The following CADPS2 variants were observed in gnomAD, a reference collection of about 807,000 sequenced individuals.
CADPS2 encodes calcium dependent secretion activator 2, also known as calcium-dependent secretion activator 2.
In CADPS2, 93 loss-of-function variants were observed where a neutral mutation model predicts 172.5. The observed-to-expected ratio is 0.54, with a 90% CI of 0.46 to 0.64. The LOEUF is 0.64. Among genes scored for constraint, CADPS2 ranks in the 30% least tolerant of loss-of-function variants. The pLI is 0.00. For synonymous variants in CADPS2, 546 were observed against 555.2 expected (o/e 0.98, Z 0.23); for missense variants, 1,420 against 1,565.9 (o/e 0.91, Z 1.57).
At chr7:122,569,519 T>C (rs1224160191) in intron 7 of CADPS2, among the ~76,000 whole-genome samples, 1 of 146,604 alleles carries the variant, frequency 6.8e-6, no homozygotes, top group African/African-American at 2.6e-5. Context: ...TTCACAGAAT[T>C]GGAAAAAACT....
At chr7:122,771,013 C>A (rs1199288883) in intron 1 of CADPS2, among the ~76,000 whole-genome samples, 1 of 152,120 alleles carries the variant, frequency 6.6e-6, no homozygotes, top group African/African-American at 2.4e-5. Context: ...GTGGACAGGG[C>A]AAGTTTTATC....
intron 2 of CADPS2, among the ~76,000 whole-genome samples, chr7:122,728,972 T>G (rs929049700): frequency 6.6e-6 from 1 of 151,838 alleles, no homozygotes; most frequent in African/African-American, 2.4e-5. Context: ...ATTAGAACTT[T>G]AACTGTATGT....
chr7:122,482,405 C>T lies in CADPS2; in HGVS notation c.1853-1545G>A, dbSNP rs183437331. 1.1e-4 allele frequency among the ~76,000 whole-genome samples: 17 copies of T among 152,130 alleles called. No individual in the cohort carries two copies. In the East Asian group the frequency reaches 2.5e-3, roughly 23 times the overall value. ...GTGCTGTAAAACATTACATAACGCA[C>T]AGGAAAAGTTCCTTACTCCACTCCC... On this transcript the variant is annotated intron_variant, in intron 11 of 29. Transcript: ENST00000449022.
At chr7:122,597,909 TA>T (rs961415903) in intron 6 of CADPS2, among the ~76,000 whole-genome samples, 139 of 148,080 alleles carry the variant, frequency 9.4e-4, no homozygotes, top group African/African-American at 3.5e-3. Context: ...GGCATCTTTT[TA>T]ACATTTTTTT....
chr7:122,670,925 T>C (rs2081769052), intron 2 of CADPS2, among the ~76,000 whole-genome samples: 1 of 151,552 alleles, frequency 6.6e-6, no homozygotes, highest in African/African-American at 2.4e-5. Context: ...CAAGTTATTC[T>C]TCCTTGCTGG....
chr7:122,800,743 C>T (rs2139934872), intron 1 of CADPS2, among the ~76,000 whole-genome samples: 1 of 152,196 alleles, frequency 6.6e-6, no homozygotes, highest in African/African-American at 2.4e-5. Context: ...AATCCCAGCA[C>T]TTTGGGAGGC....
intron 1 of CADPS2, among the ~76,000 whole-genome samples, chr7:122,823,083 A>C (rs1394059150): frequency 6.6e-6 from 1 of 152,180 alleles, no homozygotes; most frequent in East Asian, 1.9e-4. Flanking sequence ...ATTTTTTCAT[A>C]TACCTCTGGG....
At chr7:122,803,002 A>G (rs1797977470) in intron 1 of CADPS2, among the ~76,000 whole-genome samples, 1 of 152,120 alleles carries the variant, frequency 6.6e-6, no homozygotes, top group Non-Finnish European at 1.5e-5. Flanking sequence ...TTATTTTCAC[A>G]TTTTCTAAAA....
rs147897064 is a variant in CADPS2, at chr7:122,862,278, G to A, written c.339+23721C>T. ...TTCTTCCTTTGTCCTCAAATTCACC[G>A]TCTATTCTCTGCTCTGTGCCTTGGG... On this transcript the variant is annotated intron_variant, in intron 1 of 29. Coordinates refer to ENST00000449022, the MANE Select transcript of CADPS2 (RefSeq NM_017954.11). Among the ~76,000 whole-genome samples, 1,463 of 152,262 alleles carry A rather than the reference G, an allele frequency of 9.6e-3. 10 individuals carry two copies. Among genetic ancestry groups the A allele is most frequent in the South Asian group, 0.019 (92 of 4,824 alleles).
chr7:122,733,349 A>G (rs189071347), intron 2 of CADPS2, among the ~76,000 whole-genome samples: 1 of 152,152 alleles, frequency 6.6e-6, no homozygotes, highest in African/African-American at 2.4e-5. Context: ...CCATTCACTC[A>G]GTCATCAAGT....
intron 1 of CADPS2, among the ~76,000 whole-genome samples, chr7:122,740,061 A>G (rs1334495002): frequency 6.6e-6 from 1 of 152,170 alleles, no homozygotes; most frequent in Non-Finnish European, 1.5e-5. Flanking sequence ...AAAGAACAAA[A>G]TCCAGAACAC....
rs554348199 is a variant in CADPS2, at chr7:122,347,843, G to C, written c.3505-2162C>G. On this transcript the variant is annotated intron_variant, in intron 27 of 29. Transcript: ENST00000449022. ...ATACTTGAAGGAAACTAACTCCTAA[G>C]ATACATATTTCTCTCTGTGCCTCTC... 1.4e-4 allele frequency among the ~76,000 whole-genome samples: 21 copies of C among 152,280 alleles called. No homozygotes were observed. The East Asian group carries it at 3.7e-3, about 27-fold the overall frequency.
chr7:122,575,730 C>T (rs577133608), intron 7 of CADPS2, among the ~76,000 whole-genome samples: 1 of 152,272 alleles, frequency 6.6e-6, no homozygotes, highest in African/African-American at 2.4e-5. Flanking sequence ...AGCTACTGCA[C>T]CTGGACAGAA....
intron 14 of CADPS2, among the ~76,000 whole-genome samples, chr7:122,465,295 A>G (rs1395519720): frequency 6.6e-6 from 1 of 152,220 alleles, no homozygotes; most frequent in Non-Finnish European, 1.5e-5. Context: ...AAGAATAAAT[A>G]GAAAGCCTGA....
intron 2 of CADPS2, among the ~76,000 whole-genome samples, chr7:122,673,163 C>T (rs1020948119): frequency 3.3e-5 from 5 of 152,152 alleles, no homozygotes; most frequent in African/African-American, 4.8e-5. Flanking sequence ...AAAGGCGGTG[C>T]GGACCCAAAG....
intron 29 of CADPS2, 43 bp downstream of exon 29, chr7:122,325,434 T>C (rs2150733238): frequency 7.9e-7 from 1 of 1,273,614 alleles, no homozygotes. Context: ...CATTATTCCT[T>C]ATAGCTTAGT....
At chr7:122,586,075 G>A (rs2069638580) in intron 6 of CADPS2, among the ~76,000 whole-genome samples, 1 of 151,886 alleles carries the variant, frequency 6.6e-6, no homozygotes, top group South Asian at 2.1e-4. Context: ...GGCATGTGAT[G>A]AACTATTTTG....
intron 6 of CADPS2, among the ~76,000 whole-genome samples, chr7:122,595,976 T>G (rs900768977): frequency 6.6e-6 from 1 of 152,072 alleles, no homozygotes; most frequent in African/African-American, 2.4e-5. Flanking sequence ...ATACTAGCAC[T>G]GCGGTCCACT....
chr7:122,393,130 C>G, intron 22 of CADPS2, 66 bp downstream of exon 22: 1 of 1,575,208 alleles, frequency 6.3e-7, no homozygotes, highest in Non-Finnish European at 8.6e-7. Context: ...AACACATCTG[C>G]GCAGAACACA....
Sources: gnomAD v4.1 joint callset for allele counts (sites outside exome capture counted in the v4.1 genomes callset) on GRCh38, gnomAD v4.1.1 for gene constraint, MANE v1.5 for transcripts, NCBI Gene and HGNC (gene_info 2026-07-23, HGNC 2026-07-21) for gene names.